Variants in CEP83 observed in about 807,000 individuals in gnomAD.
CEP83 encodes centrosomal protein of 83 kDa.
In CEP83, 70 loss-of-function variants were observed where a neutral mutation model predicts 101.9. That is an observed-to-expected ratio of 0.69 (90% CI 0.57 to 0.84). CEP83 has a LOEUF of 0.84. Ranked by LOEUF, CEP83 falls within the 40% of genes least tolerant of loss-of-function variation. The probability of loss-of-function intolerance (pLI) is 0.00; values close to 1 mark genes in which losing one functional copy is unlikely to be tolerated. For missense variants in CEP83, 715 were observed against 787.2 expected (o/e 0.91, Z 1.10); for synonymous variants, 264 against 267.9 (o/e 0.99, Z 0.14).
the CEP83 span, among the ~76,000 whole-genome samples, chr12:94,286,616 CAAAAAAAAAAAAAAAA>C: frequency 4.9e-5 from 5 of 101,376 alleles, no homozygotes; most frequent in African/African-American, 1.2e-4. Context: ...TGCTTAAAAG[CAAAAAAAAAAAAAAAA>C]AAAAAAAAAA....
intron 11 of CEP83, among the ~76,000 whole-genome samples, chr12:94,346,384 T>G (rs1237050198): frequency 6.8e-6 from 1 of 146,536 alleles, no homozygotes; most frequent in Non-Finnish European, 1.5e-5. Flanking sequence ...TTTATTTGTA[T>G]CCGCAGTGAG....
At chr12:94,332,965 T>C (rs1225826473) in intron 13 of CEP83, among the ~76,000 whole-genome samples, 1 of 143,354 alleles carries the variant, frequency 7.0e-6, no homozygotes, top group Non-Finnish European at 1.5e-5. Context: ...CCAGAGGATA[T>C]AAGATCTTGA....
At chr12:94,400,119 T>C (rs2063165713) in intron 6 of CEP83, among the ~76,000 whole-genome samples, 1 of 152,258 alleles carries the variant, frequency 6.6e-6, no homozygotes, top group Non-Finnish European at 1.5e-5. Flanking sequence ...GTAGATATGT[T>C]TGTAAACAGA....
chr12:94,375,889 A>C lies in CEP83; in HGVS notation c.930T>G (p.Ser310Arg), dbSNP rs764334479. Residue 310 changes from serine to arginine, a missense_variant, in exon 8 of 17, where the codon AGT (serine) becomes AGG (arginine). Coordinates refer to ENST00000397809, the MANE Select transcript of CEP83 (RefSeq NM_016122.3). Reference protein sequence around the residue: ...KAEREINTLSSKVKELKHSNK... With the variant: ...KAEREINTLSRKVKELKHSNK... Reference sequence around the variant, plus strand: ...ACAGAAACATAAAACAACTTACTTTACTGGACAATGTATTTATTTCTCGTT... The same window carrying C: ...ACAGAAACATAAAACAACTTACTTTCCTGGACAATGTATTTATTTCTCGTT... 3 of 1,457,114 alleles carry C rather than the reference A, an allele frequency of 2.1e-6. No individual in the cohort carries two copies. Among genetic ancestry groups the C allele is most frequent in the Non-Finnish European group, 2.8e-6 (3 of 1,077,230 alleles). The allele number at this position is 1,457,114 out of a possible 1,614,324, so 90.3% of individuals were successfully genotyped here. A position where few individuals can be genotyped will look rare whatever the true frequency, so the allele number is the denominator to read the frequency against.
the CEP83 span, among the ~76,000 whole-genome samples, chr12:94,294,138 T>C: frequency 3.3e-5 from 5 of 152,320 alleles, no homozygotes; most frequent in South Asian, 2.1e-4. Context: ...CCTCTGCGAA[T>C]TGGGGGGAAT....
intron 1 of CEP83, among the ~76,000 whole-genome samples, chr12:94,435,615 T>C (rs1441712019): frequency 6.6e-6 from 1 of 152,072 alleles, no homozygotes; most frequent in Non-Finnish European, 1.5e-5. Context: ...AGGGCAAGAT[T>C]ATATCCCCCT....
intron 6 of CEP83, among the ~76,000 whole-genome samples, chr12:94,397,281 T>C (rs374436813): frequency 2.6e-5 from 4 of 152,218 alleles, no homozygotes; most frequent in African/African-American, 7.2e-5. Flanking sequence ...GGAGGATCAC[T>C]TGAGGTCAGG....
chr12:94,287,905 C>G, the CEP83 span, among the ~76,000 whole-genome samples: 3 of 152,224 alleles, frequency 2.0e-5, no homozygotes, highest in Non-Finnish European at 4.4e-5. Context: ...CTTTACCGCT[C>G]CATGAGGTGA....
At chr12:94,388,620 A>G (rs1348385716) in intron 6 of CEP83, among the ~76,000 whole-genome samples, 1 of 152,232 alleles carries the variant, frequency 6.6e-6, no homozygotes, top group Admixed American at 6.5e-5. Flanking sequence ...TTAAAAAAAG[A>G]AAAGTTAAGT....
the CEP83 span, among the ~76,000 whole-genome samples, chr12:94,266,579 C>T: frequency 6.6e-6 from 1 of 152,190 alleles, no homozygotes; most frequent in Admixed American, 6.5e-5. Context: ...GCGGGTGCTG[C>T]TTAACAACTG....
At chr12:94,441,005 ACT>A (rs1371403615) in intron 1 of CEP83, among the ~76,000 whole-genome samples, 1 of 152,162 alleles carries the variant, frequency 6.6e-6, no homozygotes, top group African/African-American at 2.4e-5. Context: ...TGGAATCTCA[ACT>A]CTCACCTTAC....
chr12:94,407,700 C>T (rs559129751), intron 4 of CEP83, among the ~76,000 whole-genome samples: 2 of 152,362 alleles, frequency 1.3e-5, no homozygotes, highest in African/African-American at 4.8e-5. Flanking sequence ...CTCCCCATCT[C>T]TCCCTCTCCT....
At chr12:94,308,958 A>G (rs1969398971) in intron 16 of CEP83, 41 bp from the exon 17 acceptor site, 2 of 1,435,730 alleles carry the variant, frequency 1.4e-6, no homozygotes, top group Non-Finnish European at 2.0e-6. Flanking sequence ...AGAAACTATT[A>G]GAAAAACTGT....
intron 6 of CEP83, among the ~76,000 whole-genome samples, chr12:94,383,799 A>C (rs974767010): frequency 2.0e-5 from 3 of 151,996 alleles, no homozygotes; most frequent in Non-Finnish European, 4.4e-5. Flanking sequence ...TGTTCTAGTT[A>C]TTATATTTAT....
At chr12:94,291,885 C>T in the CEP83 span, among the ~76,000 whole-genome samples, 1 of 152,180 alleles carries the variant, frequency 6.6e-6, no homozygotes, top group African/African-American at 2.4e-5. Context: ...CCAACAGGAA[C>T]TTTTTCAGCC....
chr12:94,276,520 A>C, the CEP83 span, among the ~76,000 whole-genome samples: 2 of 152,192 alleles, frequency 1.3e-5, no homozygotes, highest in Non-Finnish European at 2.9e-5. Flanking sequence ...GGCATAGCCG[A>C]GGGGTTTGTG....
intron 8 of CEP83, among the ~76,000 whole-genome samples, chr12:94,375,436 G>C (rs1474666237): frequency 6.6e-6 from 1 of 151,794 alleles, no homozygotes; most frequent in South Asian, 2.1e-4. Context: ...AAGTGAACAG[G>C]AGGAAAAATA....
downstream of CEP83, among the ~76,000 whole-genome samples, chr12:94,304,880 A>G (rs1259562194): frequency 2.0e-5 from 3 of 152,306 alleles, no homozygotes; most frequent in East Asian, 5.8e-4. Flanking sequence ...CTGCCCAGGA[A>G]TGCTTGCTGT....
At chr12:94,269,677 A>G in the CEP83 span, among the ~76,000 whole-genome samples, 1 of 152,222 alleles carries the variant, frequency 6.6e-6, no homozygotes, top group African/African-American at 2.4e-5. Context: ...CACTTCAGCA[A>G]TCTTGTTTTT....
Sources: allele counts gnomAD v4.1 joint callset (sites outside exome capture counted in the v4.1 genomes callset), GRCh38; gene constraint gnomAD v4.1.1; transcripts MANE v1.5; gene names NCBI Gene and HGNC (gene_info 2026-07-23, HGNC 2026-07-21).